SLC35F6: variants seen among roughly 807,000 people sequenced by gnomAD.
SLC35F6 encodes the protein solute carrier family 35 member F6.
In SLC35F6, 26 loss-of-function variants were observed where a neutral mutation model predicts 29.4. The observed-to-expected ratio is 0.89, with a 90% CI of 0.65 to 1.23. SLC35F6 has a LOEUF of 1.23. Among genes scored for constraint, SLC35F6 ranks in the 50% most tolerant of loss-of-function variants. The probability of loss-of-function intolerance (pLI) is 0.00; values close to 1 mark genes in which losing one functional copy is unlikely to be tolerated. For synonymous variants in SLC35F6, 174 were observed against 206.6 expected (o/e 0.84, Z 1.35); for missense variants, 428 against 487.8 (o/e 0.88, Z 1.15).
At position 26,775,415 on chromosome 2, in the gene SLC35F6, A is replaced by C; in HGVS notation, c.323-49A>C. On this transcript the variant is annotated intron_variant, in intron 3 of 5. Transcript: ENST00000344420. This position sits in a 1 kb window ranked among gnomAD's most constrained non-coding sequence, Gnocchi z 4.6. ...ATCACCAAAGACCCCTTAGTGACAG[A>C]TGGCCTTCGCCTTGGGAAGCTAACT... 6.3e-7 allele frequency: 1 copy of C among 1,592,852 alleles called. No individual in the cohort carries two copies. Among genetic ancestry groups the C allele is most frequent in the Non-Finnish European group, 8.6e-7 (1 of 1,168,612 alleles).
chr2:26,771,692 G>A (rs1664198554), intron 1 of SLC35F6, among the ~76,000 whole-genome samples: 1 of 152,214 alleles, frequency 6.6e-6, no homozygotes, highest in Non-Finnish European at 1.5e-5. Context: ...GGCACCATGG[G>A]TGCAGTGGCT....
intron 1 of SLC35F6, among the ~76,000 whole-genome samples, chr2:26,772,956 G>C (rs1167238058): frequency 6.6e-6 from 1 of 152,130 alleles, no homozygotes; most frequent in Non-Finnish European, 1.5e-5. Flanking sequence ...CATCTGCCGG[G>C]TGCTGACTGG....
rs565829251 is a variant in SLC35F6, at chr2:26,772,709, CAGA to C, written c.78-1536_78-1534del. On this transcript the variant is annotated intron_variant, in intron 1 of 5. Coordinates refer to ENST00000344420, the MANE Select transcript of SLC35F6 (RefSeq NM_017877.4). ...TGTTTAGCCAGGAGATGAGAAGATT[CAGA>C]AGAAGGTCAACAAGTCCCCAGGTAC... 2.0e-4 allele frequency among the ~76,000 whole-genome samples: 31 copies of C among 152,228 alleles called. No individual in the cohort carries two copies. In the East Asian group the frequency reaches 5.4e-3, roughly 27 times the overall value.
At chr2:26,772,050 A>G (rs1305436146) in intron 1 of SLC35F6, among the ~76,000 whole-genome samples, 2 of 152,184 alleles carry the variant, frequency 1.3e-5, no homozygotes, top group Non-Finnish European at 2.9e-5. Context: ...AAGAACCACA[A>G]GGAATCTTAA....
At chr2:26,765,459 TCAGGGCAGGG>T (rs1459116800) in intron 1 of SLC35F6, among the ~76,000 whole-genome samples, 2 of 152,190 alleles carry the variant, frequency 1.3e-5, no homozygotes, top group Non-Finnish European at 2.9e-5. Flanking sequence ...TGTCTCCATC[TCAGGGCAGGG>T]CCTTCCTGCC....
chr2:26,774,531 A>G (rs533665756), intron 2 of SLC35F6, among the ~76,000 whole-genome samples: 1 of 152,338 alleles, frequency 6.6e-6, no homozygotes, highest in East Asian at 1.9e-4. Flanking sequence ...AAGTCCTGGC[A>G]AGTGGTCATG....
chr2:26,772,105 A>T (rs1261896514), intron 1 of SLC35F6, among the ~76,000 whole-genome samples: 1 of 152,128 alleles, frequency 6.6e-6, no homozygotes, highest in Non-Finnish European at 1.5e-5. Flanking sequence ...GGGGTCTCTC[A>T]CTATGGAATA....
intron 1 of SLC35F6, 82 bp downstream of exon 1, chr2:26,764,508 T>C (rs1393136355): frequency 6.7e-7 from 1 of 1,497,548 alleles, no homozygotes; most frequent in African/African-American, 1.4e-5. Flanking sequence ...GGCCCTGCCC[T>C]CCTGGCTTCC....
chr2:26,777,987 T>G, intron 5 of SLC35F6, 55 bp from the exon 6 acceptor site: 1 of 1,531,806 alleles, frequency 6.5e-7, no homozygotes, highest in Non-Finnish European at 8.9e-7. Flanking sequence ...GCCGGTGGGC[T>G]GTGCTGGGGG....
chr2:26,778,143 T>A lies in SLC35F6; in HGVS notation c.748T>A (p.Leu250Met). The change falls in exon 6 of 6, where the codon TTG (leucine) becomes ATG (methionine). Residue 250 changes from leucine to methionine, a missense_variant. By Grantham distance (15) the Leu-to-Met change is conservative. Coordinates refer to ENST00000344420, the MANE Select transcript of SLC35F6 (RefSeq NM_017877.4). ...CCCTCGTGGGACACTGGAGGATGCA[T>A]TGGACGCCTTCTGCCAGGTGGGCCA... ...GNPRGTLEDA[L>M]DAFCQVGQQP... 6.2e-7 allele frequency: 1 copy of A among 1,614,190 alleles called. No homozygotes were observed. Among genetic ancestry groups the A allele is most frequent in the Non-Finnish European group, 8.5e-7 (1 of 1,180,016 alleles).
chr2:26,764,308 G>A lies in SLC35F6; in HGVS notation c.-42G>A, dbSNP rs1262223653. On this transcript the variant is annotated 5_prime_UTR_variant, in exon 1 of 6. Coordinates refer to ENST00000344420, the MANE Select transcript of SLC35F6 (RefSeq NM_017877.4). ...CGCGCAGGAGACCCCGGGTGACGGG[G>A]CCCGGCGCCGCTAACTGGAGCGAAC... is the stretch of plus-strand genomic sequence containing the variant. The A allele has an allele frequency of 1.3e-6, 2 of 1,546,144 alleles. No homozygotes were observed. The highest frequency in any genetic ancestry group is 2.5e-5 in the East Asian group (1 of 40,594).
intron 5 of SLC35F6, among the ~76,000 whole-genome samples, chr2:26,777,132 G>A (rs1664316776): frequency 6.6e-6 from 1 of 152,252 alleles, no homozygotes; most frequent in Non-Finnish European, 1.5e-5. Flanking sequence ...TGGGGGAGCA[G>A]AGGCTGCAGC....
In SLC35F6 at chr2:26,779,804, C is replaced by G. The variant is rs951202363; in HGVS notation, c.*1293C>G. 1 of 151,106 alleles carries G rather than the reference C, an allele frequency of 6.6e-6. No individual in the cohort carries two copies. Among genetic ancestry groups the G allele is most frequent in the Non-Finnish European group, 1.5e-5 (1 of 67,920 alleles). The allele number at this position is 151,106 out of a possible 1,614,324, so 9.4% of individuals were successfully genotyped here. A position where few individuals can be genotyped will look rare whatever the true frequency, so the allele number is the denominator to read the frequency against. Reference sequence around the variant, plus strand: ...GTGCTGGGGTTACAGGCATGAGCCACCACGCCCAGCCTTTTTTTTTTTTTT... The same window carrying G: ...GTGCTGGGGTTACAGGCATGAGCCAGCACGCCCAGCCTTTTTTTTTTTTTT... On this transcript the variant is annotated 3_prime_UTR_variant, in exon 6 of 6. Coordinates refer to ENST00000344420, the MANE Select transcript of SLC35F6 (RefSeq NM_017877.4).
intron 1 of SLC35F6, among the ~76,000 whole-genome samples, chr2:26,765,917 G>T (rs906678586): frequency 6.6e-6 from 1 of 152,218 alleles, no homozygotes; most frequent in Non-Finnish European, 1.5e-5. Context: ...CTTAGAGAGC[G>T]GTTGTAAGTC....
chr2:26,773,158 A>G (rs1664227944), intron 1 of SLC35F6, among the ~76,000 whole-genome samples: 1 of 152,186 alleles, frequency 6.6e-6, no homozygotes. Flanking sequence ...ACAGTCTGGC[A>G]CAGCCTATGG....
At chr2:26,773,726 C>T (rs1371013360) in intron 1 of SLC35F6, among the ~76,000 whole-genome samples, 2 of 151,158 alleles carry the variant, frequency 1.3e-5, no homozygotes, top group Non-Finnish European at 2.9e-5. Context: ...GAGTCTCATG[C>T]CTCAGCCTCC....
intron 1 of SLC35F6, among the ~76,000 whole-genome samples, chr2:26,773,337 A>G (rs749086813): frequency 1.3e-5 from 2 of 151,774 alleles, no homozygotes; most frequent in African/African-American, 4.8e-5. Context: ...CGTCTCTACT[A>G]AAAATACAAA....
At position 26,781,027 on chromosome 2, in the gene SLC35F6, G is replaced by C. The variant is rs1218136542; in HGVS notation, c.*2516G>C. ...TCACTGGGCCACAGTGTCTGTCCCA[G>C]GAAGAAGCAAATGGACAGTGAGGAT... On this transcript the variant is annotated 3_prime_UTR_variant, in exon 6 of 6. Coordinates refer to ENST00000344420, the MANE Select transcript of SLC35F6 (RefSeq NM_017877.4). 6.6e-6 allele frequency: 1 copy of C among 152,132 alleles called. No homozygotes were observed. The highest frequency in any genetic ancestry group is 1.9e-4 in the East Asian group (1 of 5,202). 9.4% of individuals were successfully genotyped at this position (152,132 alleles called of 1,614,324 possible).
At position 26,775,092 on chromosome 2, in the gene SLC35F6, C is replaced by A; in HGVS notation, c.199C>A (p.Leu67Ile). 6.2e-7 allele frequency: 1 copy of A among 1,614,102 alleles called. No individual in the cohort carries two copies. The highest frequency in any genetic ancestry group is 8.5e-7 in the Non-Finnish European group (1 of 1,180,004). ...ATTCTCCTGCCTGGCTGCCTTCTAC[C>A]TCCTCCGATGCAGAGCTGCAGGGCA... ...GEFSCLAAFY[L>I]LRCRAAGQSD... The change falls in exon 3 of 6, where the codon CTC becomes ATC. Residue 67 changes from leucine to isoleucine, a missense_variant. Leu to Ile is a conservative substitution (Grantham distance 5). Coordinates refer to ENST00000344420, the MANE Select transcript of SLC35F6 (RefSeq NM_017877.4). This position sits in a 1 kb window ranked among gnomAD's most constrained non-coding sequence, Gnocchi z 4.6.
Sources: allele counts gnomAD v4.1 joint callset (sites outside exome capture counted in the v4.1 genomes callset), GRCh38; gene constraint gnomAD v4.1.1; non-coding constraint Gnocchi (gnomAD v3.1); transcripts MANE v1.5; gene names NCBI Gene and HGNC (gene_info 2026-07-23, HGNC 2026-07-21).